GALNTL6: variants seen among roughly 807,000 people sequenced by gnomAD.
GALNTL6 encodes the protein polypeptide N-acetylgalactosaminyltransferase like 6.
A neutral mutation model predicts 73.7 loss-of-function variants in GALNTL6; 46 were observed. That is an observed-to-expected ratio of 0.62 (90% CI 0.49 to 0.80). The LOEUF (loss-of-function observed/expected upper bound fraction) is 0.80. Among genes scored for constraint, GALNTL6 ranks in the 30% least tolerant of loss-of-function variants. The pLI is 0.00. For synonymous variants in GALNTL6, 259 were observed against 263.7 expected (o/e 0.98, Z 0.17); for missense variants, 604 against 755.0 (o/e 0.80, Z 2.34).
Position 171,906,067 on chromosome 4 carries a change from C to T in GALNTL6, c.138+91349C>T, listed in dbSNP as rs530384867. Among the ~76,000 whole-genome samples the T allele has an allele frequency of 3.9e-5, 6 of 152,238 alleles. No individual in the cohort carries two copies. The East Asian group carries it at 1.2e-3, about 29-fold the overall frequency. ...GAAAGATCTAAAATTGACACCCTAA[C>T]ATCACATTTAAAAGAACTAGAAAAG... On this transcript the variant is annotated intron_variant, in intron 2 of 12. Coordinates refer to ENST00000506823, the MANE Select transcript of GALNTL6 (RefSeq NM_001034845.3).
chr4:171,953,552 A>G (rs1738951389), intron 2 of GALNTL6, among the ~76,000 whole-genome samples: 1 of 152,204 alleles, frequency 6.6e-6, no homozygotes, highest in Admixed American at 6.5e-5. Context: ...CTTATAGCAT[A>G]TATTAAAACT....
At chr4:172,815,386 A>G (rs765777633) in intron 7 of GALNTL6, among the ~76,000 whole-genome samples, 1 of 152,214 alleles carries the variant, frequency 6.6e-6, no homozygotes, top group African/African-American at 2.4e-5. Flanking sequence ...TAGAACTGTT[A>G]TTAGGTGCTG....
Position 172,441,604 on chromosome 4 carries a change from C to G in GALNTL6, c.553+92915C>G, listed in dbSNP as rs540006691. ...TTTGCTGTTTAAAATGGCCTCCAAG[C>G]AGAGTGCTAAAATGCTGTCTTATAT... On this transcript the variant is annotated intron_variant, in intron 5 of 12. Transcript: ENST00000506823. Among the ~76,000 whole-genome samples the G allele has an allele frequency of 2.0e-5, 3 of 152,186 alleles. No homozygotes were observed. The South Asian group carries it at 6.2e-4, about 32-fold the overall frequency.
chr4:172,421,653 A>G (rs2111362956), intron 5 of GALNTL6, among the ~76,000 whole-genome samples: 1 of 152,174 alleles, frequency 6.6e-6, no homozygotes, highest in Admixed American at 6.6e-5. Flanking sequence ...ACTTTAAATA[A>G]CTCTACATAA....
intron 5 of GALNTL6, among the ~76,000 whole-genome samples, chr4:172,500,050 A>ATATATGTATTATATATAT (rs1339243840): frequency 6.6e-6 from 1 of 152,224 alleles, no homozygotes; most frequent in Admixed American, 6.5e-5. Context: ...CAAAATATAT[A>ATATATGTATTATATATAT]AACTTACAGG....
chr4:172,407,829 A>G (rs983945953), intron 5 of GALNTL6, among the ~76,000 whole-genome samples: 3 of 152,116 alleles, frequency 2.0e-5, no homozygotes, highest in African/African-American at 4.8e-5. Flanking sequence ...AGCTAATTCC[A>G]TACAATACCT....
intron 5 of GALNTL6, among the ~76,000 whole-genome samples, chr4:172,613,324 T>G (rs1024828066): frequency 2.6e-5 from 4 of 152,050 alleles, no homozygotes; most frequent in African/African-American, 9.7e-5. Context: ...AAGGGCCTTC[T>G]AAGGCAGAGA....
intron 5 of GALNTL6, chr4:172,380,603 A>G (rs1448233551): frequency 1.5e-5 from 3 of 204,186 alleles, no homozygotes; most frequent in Non-Finnish European, 3.0e-5. Flanking sequence ...GTCACTGTTT[A>G]ATATGCATCA....
intron 2 of GALNTL6, among the ~76,000 whole-genome samples, chr4:171,954,069 G>C (rs1738971771): frequency 6.6e-6 from 1 of 152,066 alleles, no homozygotes; most frequent in South Asian, 2.1e-4. Context: ...GTGAGGAGTG[G>C]TTTTCAAACT....
chr4:171,921,123 T>C (rs1405754806), intron 2 of GALNTL6, among the ~76,000 whole-genome samples: 1 of 152,130 alleles, frequency 6.6e-6, no homozygotes, highest in Non-Finnish European at 1.5e-5. Flanking sequence ...CTTTCATGTC[T>C]ATTTTTTAAT....
intron 5 of GALNTL6, among the ~76,000 whole-genome samples, chr4:172,711,706 G>C (rs1734718025): frequency 6.6e-6 from 1 of 152,178 alleles, no homozygotes; most frequent in African/African-American, 2.4e-5. Context: ...TTTCCAAGTA[G>C]ATGTGCTGAG....
At chr4:172,265,562 T>C (rs1738422353) in intron 3 of GALNTL6, among the ~76,000 whole-genome samples, 1 of 152,114 alleles carries the variant, frequency 6.6e-6, no homozygotes, top group Non-Finnish European at 1.5e-5. Context: ...ACTCAATTGA[T>C]CTAAGACCTA....
chr4:171,849,677 A>G (rs566338564), intron 2 of GALNTL6, among the ~76,000 whole-genome samples: 1 of 152,348 alleles, frequency 6.6e-6, no homozygotes, highest in South Asian at 2.1e-4. Context: ...TATACCTATT[A>G]TTAACTGAAA....
chr4:172,627,069 G>C (rs565421723), intron 5 of GALNTL6, among the ~76,000 whole-genome samples: 1 of 152,180 alleles, frequency 6.6e-6, no homozygotes, highest in African/African-American at 2.4e-5. Context: ...TACTTGTCTT[G>C]TTCCAGTTCT....
intron 9 of GALNTL6, among the ~76,000 whole-genome samples, chr4:172,949,922 A>G (rs1749361309): frequency 6.6e-6 from 1 of 151,836 alleles, no homozygotes; most frequent in South Asian, 2.1e-4. Context: ...AAAAAAAAAG[A>G]AAAAAAGAAA....
intron 10 of GALNTL6, among the ~76,000 whole-genome samples, chr4:172,977,785 A>G (rs373156149): frequency 2.2e-4 from 34 of 152,298 alleles, no homozygotes; most frequent in African/African-American, 7.7e-4. Flanking sequence ...GTAGCTGTAC[A>G]TGCTTGTTCA....
intron 3 of GALNTL6, among the ~76,000 whole-genome samples, chr4:172,262,507 G>T (rs1034114582): frequency 4.2e-4 from 64 of 151,498 alleles, no homozygotes; most frequent in African/African-American, 1.4e-3. Flanking sequence ...TTAAATTTAT[G>T]TGAGTCCTGA....
chr4:172,491,635 G>A (rs752632061), intron 5 of GALNTL6, among the ~76,000 whole-genome samples: 2 of 152,118 alleles, frequency 1.3e-5, no homozygotes, highest in Non-Finnish European at 2.9e-5. Flanking sequence ...CATTCAAAGA[G>A]AATATGTGTA....
At chr4:172,730,809 A>G (rs1440344912) in intron 5 of GALNTL6, among the ~76,000 whole-genome samples, 1 of 152,150 alleles carries the variant, frequency 6.6e-6, no homozygotes, top group East Asian at 1.9e-4. Context: ...GGCTGGGCAC[A>G]GTGGCTCCTG....
Sources: gnomAD v4.1 joint callset for allele counts (sites outside exome capture counted in the v4.1 genomes callset) on GRCh38, gnomAD v4.1.1 for gene constraint, MANE v1.5 for transcripts, NCBI Gene and HGNC (gene_info 2026-07-23, HGNC 2026-07-21) for gene names.